The following WDPCP variants were observed in gnomAD, a reference collection of about 807,000 sequenced individuals.
WDPCP encodes WD repeat-containing and planar cell polarity effector protein fritz homolog.
Under a neutral mutation model 93.1 loss-of-function variants are expected in WDPCP, and 71 were observed. That is an observed-to-expected ratio of 0.76 (90% confidence interval 0.63 to 0.93). The LOEUF is 0.93. Ranked by LOEUF, WDPCP falls within the 40% of genes least tolerant of loss-of-function variation. The probability of loss-of-function intolerance (pLI) is 0.00; values close to 1 mark genes in which losing one functional copy is unlikely to be tolerated. For missense variants in WDPCP, 844 were observed against 887.4 expected (o/e 0.95, Z 0.62); for synonymous variants, 315 against 315.0 (o/e 1.00, Z 0.00).
intron 2 of WDPCP, among the ~76,000 whole-genome samples, chr2:63,791,028 A>T (rs1279990402): frequency 6.6e-6 from 1 of 152,158 alleles, no homozygotes; most frequent in Non-Finnish European, 1.5e-5. Flanking sequence ...TCTAATACTG[A>T]TTTAGCAACT....
chr2:63,653,194 T>C (rs1372119621), intron 2 of WDPCP, among the ~76,000 whole-genome samples: 1 of 152,196 alleles, frequency 6.6e-6, no homozygotes, highest in Admixed American at 6.5e-5. Context: ...TCCAGAAATC[T>C]ATATAGAGGT....
At chr2:63,732,165 G>T (rs1669570046) in intron 2 of WDPCP, among the ~76,000 whole-genome samples, 1 of 152,110 alleles carries the variant, frequency 6.6e-6, no homozygotes, top group South Asian at 2.1e-4. Context: ...TGAAAAGAGG[G>T]TGCTATGCAA....
intron 4 of WDPCP, among the ~76,000 whole-genome samples, chr2:63,485,447 T>C (rs1700517908): frequency 1.3e-5 from 2 of 151,412 alleles, no homozygotes; most frequent in South Asian, 4.2e-4. Flanking sequence ...AAACTGTATG[T>C]AAAAATATAT....
intron 13 of WDPCP, among the ~76,000 whole-genome samples, chr2:63,292,069 C>T (rs1443481325): frequency 7.4e-6 from 1 of 135,168 alleles, no homozygotes; most frequent in East Asian, 2.4e-4. Flanking sequence ...GGAGGTGGAG[C>T]TTGCAGTGAG....
intron 12 of WDPCP, among the ~76,000 whole-genome samples, chr2:63,350,826 T>G (rs1689547612): frequency 6.6e-6 from 1 of 152,204 alleles, no homozygotes; most frequent in Non-Finnish European, 1.5e-5. Flanking sequence ...TTTGTTTACC[T>G]ACTAAATGCA....
chr2:63,628,571 A>G (rs1037377102), intron 3 of WDPCP, among the ~76,000 whole-genome samples: 15 of 152,336 alleles, frequency 9.8e-5, no homozygotes, highest in African/African-American at 3.6e-4. Context: ...GATTCAAAAC[A>G]GAAAATTTTT....
intron 1 of WDPCP, among the ~76,000 whole-genome samples, chr2:63,522,740 A>G (rs1187585919): frequency 6.6e-6 from 1 of 152,114 alleles, no homozygotes; most frequent in African/African-American, 2.4e-5. Context: ...GAGAACATAC[A>G]ACCTCCCAAG....
chr2:63,374,052 AT>A (rs55949475), intron 12 of WDPCP, among the ~76,000 whole-genome samples: 55,930 of 135,728 alleles, frequency 0.41, 10,741 homozygotes, highest in East Asian at 0.6. Context: ...CAAGTTTATG[AT>A]TTTTTTTTTT....
intron 1 of WDPCP, among the ~76,000 whole-genome samples, chr2:63,549,358 T>C (rs1354062393): frequency 6.8e-6 from 1 of 147,268 alleles, no homozygotes. Flanking sequence ...AAGGAAATAA[T>C]AAAATTAGCA....
intron 14 of WDPCP, among the ~76,000 whole-genome samples, chr2:63,190,346 C>T (rs1674949321): frequency 6.7e-6 from 1 of 150,138 alleles, no homozygotes; most frequent in Non-Finnish European, 1.5e-5. Flanking sequence ...ATGGGAGGAG[C>T]ACCTGACCTG....
intron 4 of WDPCP, 50 bp downstream of exon 4, chr2:63,486,492 C>A: frequency 4.7e-6 from 7 of 1,487,504 alleles, no homozygotes; most frequent in East Asian, 2.5e-5. Context: ...TTTTATAATA[C>A]TGAACTTTAC....
At chr2:63,399,475 G>C (rs1693982645) in intron 10 of WDPCP, among the ~76,000 whole-genome samples, 1 of 152,022 alleles carries the variant, frequency 6.6e-6, no homozygotes, top group African/African-American at 2.4e-5. Flanking sequence ...AAGCTGTTGT[G>C]AGTAGGCCCA....
intron 7 of WDPCP, chr2:63,438,076 C>T: frequency 9.2e-7 from 1 of 1,090,598 alleles, no homozygotes; most frequent in East Asian, 3.5e-5. Context: ...CCAATATGTA[C>T]ATTACATAAA....
intron 17 of WDPCP, among the ~76,000 whole-genome samples, chr2:63,123,939 C>G (rs527460135): frequency 4.0e-5 from 6 of 149,186 alleles, no homozygotes. Context: ...CACTTCAAAA[C>G]TTTTTAATGT....
chr2:63,804,911 C>T (rs185150208), intron 2 of WDPCP, among the ~76,000 whole-genome samples: 22 of 151,980 alleles, frequency 1.4e-4, no homozygotes, highest in Admixed American at 1.3e-3. Flanking sequence ...GCCTGTAATT[C>T]CAGCTACTCG....
intron 10 of WDPCP, among the ~76,000 whole-genome samples, chr2:63,388,713 T>A (rs750033971): frequency 2.0e-5 from 3 of 152,124 alleles, no homozygotes; most frequent in Admixed American, 6.6e-5. Flanking sequence ...AATGACCTGA[T>A]GGAGCTGAAA....
chr2:63,775,128 G>A (rs530336074), intron 2 of WDPCP, among the ~76,000 whole-genome samples: 28 of 152,242 alleles, frequency 1.8e-4, no homozygotes, highest in African/African-American at 6.5e-4. Flanking sequence ...TGGGCTCAAC[G>A]TCACAGACCC....
At chr2:63,400,815 A>G (rs1407123307) in intron 10 of WDPCP, among the ~76,000 whole-genome samples, 2 of 152,076 alleles carry the variant, frequency 1.3e-5, no homozygotes, top group Admixed American at 6.6e-5. Flanking sequence ...GAAGAGAAAG[A>G]AGAGACACCT....
At chr2:63,738,805 T>C (rs1669674450) in intron 2 of WDPCP, among the ~76,000 whole-genome samples, 1 of 152,142 alleles carries the variant, frequency 6.6e-6, no homozygotes, top group Non-Finnish European at 1.5e-5. Flanking sequence ...TTTTCACAAC[T>C]GAACACACTC....
Sources: gnomAD v4.1 joint callset for allele counts (sites outside exome capture counted in the v4.1 genomes callset) on GRCh38, gnomAD v4.1.1 for gene constraint, MANE v1.5 for transcripts, NCBI Gene and HGNC (gene_info 2026-07-23, HGNC 2026-07-21) for gene names.